Variants in SYNE1 observed in about 807,000 individuals in gnomAD.
The protein encoded by SYNE1 is spectrin repeat containing nuclear envelope protein 1, also known as nesprin-1.
A neutral mutation model predicts 1,111.0 loss-of-function variants in SYNE1; 616 were observed. That is an observed-to-expected ratio of 0.55 (90% CI 0.52 to 0.59). SYNE1 has a LOEUF of 0.59. Among genes scored for constraint, SYNE1 ranks in the 20% least tolerant of loss-of-function variants. The pLI is 0.00. For synonymous variants in SYNE1, 3,855 were observed against 3,825.8 expected (o/e 1.01, Z -0.28); for missense variants, 10,006 against 10,417.0 (o/e 0.96, Z 1.72).
At chr6:152,231,778 G>A (rs1301102205) in intron 113 of SYNE1, among the ~76,000 whole-genome samples, 3 of 73,474 alleles carry the variant, frequency 4.1e-5, no homozygotes, top group South Asian at 4.2e-4. Context: ...ACAGATATAC[G>A]TGTGTATGTG....
intron 118 of SYNE1, 74 bp from the exon 119 acceptor site, chr6:152,221,120 T>C: frequency 6.9e-7 from 1 of 1,458,826 alleles, no homozygotes; most frequent in Non-Finnish European, 9.6e-7. Flanking sequence ...ATTTTATTTT[T>C]CATGATCCTG....
At chr6:152,539,857 C>T (rs528186479) in intron 4 of SYNE1, 103 bp downstream of exon 4, 12 of 1,253,866 alleles carry the variant, frequency 9.6e-6, no homozygotes, top group East Asian at 4.6e-5. Context: ...ATCATTGATT[C>T]GCAACAGTGA....
intron 42 of SYNE1, among the ~76,000 whole-genome samples, chr6:152,412,851 A>ATTTTT (rs373723820): frequency 5.3e-5 from 7 of 131,674 alleles, no homozygotes; most frequent in Admixed American, 7.7e-5. Context: ...TTCACATGTA[A>ATTTTT]TTTTTTTTTT....
At chr6:152,247,935 G>A (rs7764211) in intron 105 of SYNE1, among the ~76,000 whole-genome samples, 8,390 of 151,130 alleles carry the variant, frequency 0.056, 316 homozygotes, top group Middle Eastern at 0.11. Context: ...ATAGATTCCC[G>A]GGAAGTTCGC....
At chr6:152,137,806 G>T (rs954728114) in intron 140 of SYNE1, among the ~76,000 whole-genome samples, 3 of 152,168 alleles carry the variant, frequency 2.0e-5, no homozygotes, top group Non-Finnish European at 4.4e-5. Flanking sequence ...GACAACATGG[G>T]TTTAAGAGAC....
chr6:152,583,443 G>A (rs1179307088), intron 3 of SYNE1, among the ~76,000 whole-genome samples: 1 of 152,188 alleles, frequency 6.6e-6, no homozygotes, highest in Non-Finnish European at 1.5e-5. Context: ...GATAAAAATA[G>A]TGTCACCAGC....
At chr6:152,532,501 G>T (rs1455096035) in intron 4 of SYNE1, among the ~76,000 whole-genome samples, 9 of 152,168 alleles carry the variant, frequency 5.9e-5, no homozygotes, top group Admixed American at 5.9e-4. Flanking sequence ...ACCAGAAAAT[G>T]CTTAGAAGAA....
chr6:152,268,296 A>T, intron 99 of SYNE1, 131 bp from the exon 100 acceptor site: 1 of 715,188 alleles, frequency 1.4e-6, no homozygotes, highest in Non-Finnish European at 2.5e-6. Context: ...TGCATAAAGC[A>T]TGAGGTTTAT....
intron 6 of SYNE1, chr6:152,511,426 G>C: frequency 1.4e-6 from 1 of 699,760 alleles, no homozygotes; most frequent in Non-Finnish European, 2.4e-6. Flanking sequence ...TTTATATTTA[G>C]AGGTTGACTG....
At chr6:152,587,910 T>G (rs1450058840) in intron 3 of SYNE1, among the ~76,000 whole-genome samples, 2 of 152,224 alleles carry the variant, frequency 1.3e-5, no homozygotes, top group Non-Finnish European at 2.9e-5. Context: ...ATTATGATTT[T>G]GGGAATACTA....
At chr6:152,468,712 T>C (rs1359905422) in intron 16 of SYNE1, among the ~76,000 whole-genome samples, 1 of 152,200 alleles carries the variant, frequency 6.6e-6, no homozygotes, top group African/African-American at 2.4e-5. Flanking sequence ...GGAAAATTTA[T>C]GGCCTGAATA....
chr6:152,475,938 C>G (rs537819973), intron 14 of SYNE1, among the ~76,000 whole-genome samples: 1 of 152,212 alleles, frequency 6.6e-6, no homozygotes, highest in Non-Finnish European at 1.5e-5. Flanking sequence ...ACGTTTGCTT[C>G]CCGTGGCTTC....
At chr6:152,164,454 CAAA>C in intron 130 of SYNE1, 129 bp from the exon 131 acceptor site, 1 of 1,077,518 alleles carries the variant, frequency 9.3e-7, no homozygotes, top group Non-Finnish European at 1.4e-6. Context: ...TGGAAGAAGC[CAAA>C]GACAGAAGAC....
rs186612280 is a variant in SYNE1, at chr6:152,133,061, C to A, written c.26001+215G>T. Reference sequence around the variant, plus strand: ...AGCATTAGTAGCAACAACAAGAGAGCTTTTGGATTTAACAGAATCAAAAGC... The same window carrying A: ...AGCATTAGTAGCAACAACAAGAGAGATTTTGGATTTAACAGAATCAAAAGC... On this transcript the variant is annotated intron_variant, in intron 143 of 145. Coordinates refer to ENST00000367255, the MANE Select transcript of SYNE1 (RefSeq NM_182961.4). Among the ~76,000 whole-genome samples, 45 of 152,186 alleles carry A rather than the reference C, an allele frequency of 3.0e-4. No individual in the cohort carries two copies. The East Asian group carries it at 7.9e-3, about 27-fold the overall frequency.
intron 18 of SYNE1, 134 bp from the exon 19 acceptor site, chr6:152,463,651 TA>T: frequency 3.7e-6 from 3 of 815,424 alleles, no homozygotes; most frequent in Admixed American, 2.2e-5. Flanking sequence ...CAAATCTCTT[TA>T]AAATGCACAT....
intron 40 of SYNE1, among the ~76,000 whole-genome samples, chr6:152,419,089 G>C (rs1333831024): frequency 6.6e-6 from 1 of 152,152 alleles, no homozygotes; most frequent in Admixed American, 6.5e-5. Context: ...TCATTTCATA[G>C]ACTCAAATTA....
chr6:152,125,470 T>G, intron 145 of SYNE1: 1 of 1,284,792 alleles, frequency 7.8e-7, no homozygotes, highest in Non-Finnish European at 1.0e-6. Flanking sequence ...TCTCTGGCCT[T>G]CAGTTTTCTC....
intron 4 of SYNE1, among the ~76,000 whole-genome samples, chr6:152,534,474 A>T (rs1032884058): frequency 1.3e-5 from 2 of 152,152 alleles, no homozygotes; most frequent in Non-Finnish European, 2.9e-5. Context: ...GGCTTTATTA[A>T]GATATAATTG....
chr6:152,334,115 G>A lies in SYNE1; in HGVS notation c.12687C>T (p.Cys4229=), dbSNP rs755451612. ...TCTGAAGATCCTCTTCCCTTTGCAA[G>A]CACAGGTTGTTAGACTGACGGCACA... ...LDLCRQSNNL[C]LQREEDLQRT... The change falls in exon 77 of 146, where the codon TGC becomes TGT. Residue 4229 remains cysteine, a synonymous_variant. Transcript: ENST00000367255. 6 of 1,614,110 alleles carry A rather than the reference G, an allele frequency of 3.7e-6. No homozygotes were observed. The East Asian group carries it at 8.9e-5, about 24-fold the overall frequency.
Sources: allele counts gnomAD v4.1 joint callset (sites outside exome capture counted in the v4.1 genomes callset), GRCh38; gene constraint gnomAD v4.1.1; transcripts MANE v1.5; gene names NCBI Gene and HGNC (gene_info 2026-07-23, HGNC 2026-07-21).